Variants in PPARG observed in about 807,000 individuals in gnomAD.
PPARG encodes the protein peroxisome proliferator-activated receptor gamma.
A neutral mutation model predicts 39.2 loss-of-function variants in PPARG; 17 were observed. The observed-to-expected ratio is 0.43, with a 90% CI of 0.30 to 0.65. PPARG has a LOEUF of 0.65. Ranked by LOEUF, PPARG falls within the 30% of genes least tolerant of loss-of-function variation. The probability of loss-of-function intolerance (pLI) is 0.13; values close to 1 mark genes in which losing one functional copy is unlikely to be tolerated. For missense variants in PPARG, 406 were observed against 585.9 expected, an observed-to-expected ratio of 0.69 and a Z score of 3.17; for synonymous variants, 223 against 215.7, an observed-to-expected ratio of 1.03 and a Z score of -0.30.
At chr3:12,405,820 C>G in intron 5 of PPARG, 62 bp from the exon 6 acceptor site, 1 of 1,533,318 alleles carries the variant, frequency 6.5e-7, no homozygotes, top group Non-Finnish European at 9.0e-7. Flanking sequence ...TGGGAGAGCA[C>G]AGTGTGTGTT....
intron 2 of PPARG, among the ~76,000 whole-genome samples, chr3:12,364,291 T>C (rs1334869747): frequency 2.0e-5 from 3 of 152,244 alleles, no homozygotes; most frequent in Non-Finnish European, 4.4e-5. Flanking sequence ...GAATATCATA[T>C]AGTTGGAACC....
chr3:12,398,386 A>T (rs1273231973), intron 5 of PPARG, among the ~76,000 whole-genome samples: 1 of 152,240 alleles, frequency 6.6e-6, no homozygotes, highest in African/African-American at 2.4e-5. Flanking sequence ...TGATAGAATG[A>T]ATTAACCAAG....
intron 1 of PPARG, among the ~76,000 whole-genome samples, chr3:12,311,453 T>A (rs1028555655): frequency 1.3e-5 from 2 of 152,196 alleles, no homozygotes; most frequent in African/African-American, 4.8e-5. Flanking sequence ...TTGGCTATAG[T>A]TTATATTATT....
chr3:12,312,707 T>C (rs955206318), intron 2 of PPARG, among the ~76,000 whole-genome samples: 18 of 151,944 alleles, frequency 1.2e-4, no homozygotes, highest in Admixed American at 3.3e-4. Context: ...AATGAATCTC[T>C]AATTAAAGTC....
intron 7 of PPARG, among the ~76,000 whole-genome samples, chr3:12,424,574 C>T (rs138701402): frequency 9.3e-4 from 141 of 152,332 alleles, no homozygotes; most frequent in Non-Finnish European, 1.6e-3. Flanking sequence ...GCCTTCCAGA[C>T]TGGCACAGTT....
Position 12,295,098 on chromosome 3 carries a change from G to A in PPARG, c.-83+5964G>A, listed in dbSNP as rs559145213. On this transcript the variant is annotated intron_variant, in intron 1 of 7. Coordinates refer to ENST00000651735, the MANE Select transcript of PPARG (RefSeq NM_138711.6). ...TCATGACTAATCACATTGCTTACTC[G>A]TCATGCATTTTTTACAAAGTCTTGC... Among the ~76,000 whole-genome samples, 4 of 152,140 alleles carry A rather than the reference G, an allele frequency of 2.6e-5. No homozygotes were observed. The South Asian group carries it at 6.2e-4, about 24-fold the overall frequency.
intron 1 of PPARG, chr3:12,306,040 C>G (rs962739595): frequency 5.9e-5 from 9 of 152,274 alleles, no homozygotes; most frequent in Admixed American, 3.9e-4. Flanking sequence ...TCATTTTATT[C>G]TTTCAGCAGC....
chr3:12,353,748 C>G (rs1236442689), intron 2 of PPARG, among the ~76,000 whole-genome samples: 2 of 152,116 alleles, frequency 1.3e-5, no homozygotes, highest in Non-Finnish European at 2.9e-5. Context: ...TTGCTGTGAC[C>G]CCTTTATATT....
chr3:12,422,748 C>T (rs2051306510), intron 7 of PPARG, among the ~76,000 whole-genome samples: 1 of 151,576 alleles, frequency 6.6e-6, no homozygotes, highest in Non-Finnish European at 1.5e-5. Flanking sequence ...GGTGTGGTGG[C>T]GCATGCATGT....
intron 5 of PPARG, among the ~76,000 whole-genome samples, chr3:12,404,294 A>G (rs540298901): frequency 3.9e-5 from 6 of 152,194 alleles, no homozygotes; most frequent in Non-Finnish European, 8.8e-5. Context: ...TCTGGTCTCT[A>G]AGGAGGCCCC....
intron 2 of PPARG, among the ~76,000 whole-genome samples, chr3:12,314,705 A>G (rs1377488768): frequency 6.6e-6 from 1 of 152,208 alleles, no homozygotes; most frequent in Non-Finnish European, 1.5e-5. Flanking sequence ...AATTAAATGC[A>G]ATGTGGGATC....
intron 2 of PPARG, among the ~76,000 whole-genome samples, chr3:12,371,698 C>T (rs965334985): frequency 2.6e-5 from 4 of 152,210 alleles, no homozygotes; most frequent in East Asian, 1.9e-4. Flanking sequence ...GATAACACAG[C>T]GCTGAGAATG....
chr3:12,370,877 T>C (rs2049188066), intron 2 of PPARG, among the ~76,000 whole-genome samples: 2 of 152,322 alleles, frequency 1.3e-5, no homozygotes, highest in Admixed American at 1.3e-4. Context: ...AATTAAGCAT[T>C]GGAATGAGTA....
At chr3:12,370,745 C>T (rs1559511575) in intron 2 of PPARG, among the ~76,000 whole-genome samples, 1 of 152,180 alleles carries the variant, frequency 6.6e-6, no homozygotes, top group South Asian at 2.1e-4. Flanking sequence ...CCTAAATTTA[C>T]TTGATCACCA....
At chr3:12,306,186 A>G (rs756278241) in intron 1 of PPARG, among the ~76,000 whole-genome samples, 4 of 152,356 alleles carry the variant, frequency 2.6e-5, no homozygotes, top group Admixed American at 1.3e-4. Flanking sequence ...GGCATTAGTT[A>G]GATTCTCATA....
chr3:12,383,154 T>G (rs1321651869), intron 4 of PPARG, among the ~76,000 whole-genome samples: 1 of 152,136 alleles, frequency 6.6e-6, no homozygotes, highest in Non-Finnish European at 1.5e-5. Flanking sequence ...ATTGTATCCT[T>G]CATCAGGCCC....
At chr3:12,424,668 T>G (rs913286039) in intron 7 of PPARG, among the ~76,000 whole-genome samples, 5 of 152,144 alleles carry the variant, frequency 3.3e-5, no homozygotes, top group Non-Finnish European at 5.9e-5. Context: ...GCAGAGGTAG[T>G]GAAGGCATCA....
intron 2 of PPARG, among the ~76,000 whole-genome samples, chr3:12,342,795 GTT>G (rs768773804): frequency 7.0e-6 from 1 of 142,980 alleles, no homozygotes; most frequent in Non-Finnish European, 1.5e-5. Context: ...ATGAAAGGTG[GTT>G]TTTTTTTTTT....
At chr3:12,315,371 A>G (rs942519205) in intron 2 of PPARG, among the ~76,000 whole-genome samples, 2 of 152,118 alleles carry the variant, frequency 1.3e-5, no homozygotes, top group Non-Finnish European at 2.9e-5. Flanking sequence ...TGGATGCTGT[A>G]TGTTGGCTTC....
Sources: allele counts gnomAD v4.1 joint callset (sites outside exome capture counted in the v4.1 genomes callset), GRCh38; gene constraint gnomAD v4.1.1; transcripts MANE v1.5; gene names NCBI Gene and HGNC (gene_info 2026-07-23, HGNC 2026-07-21).